Variants in RELN observed in about 807,000 individuals in gnomAD.
RELN encodes reelin.
In RELN, 108 loss-of-function variants were observed where a neutral mutation model predicts 427.6. That is an observed-to-expected ratio of 0.25 (90% CI 0.22 to 0.30). RELN has a LOEUF of 0.30. Ranked by LOEUF, RELN falls within the 10% of genes least tolerant of loss-of-function variation. The probability of loss-of-function intolerance (pLI) is 1.00; values close to 1 mark genes in which losing one functional copy is unlikely to be tolerated. For missense variants in RELN, 3,715 were observed against 4,302.8 expected (o/e 0.86, Z 3.82); for synonymous variants, 1,524 against 1,513.4 (o/e 1.01, Z -0.16).
intron 3 of RELN, among the ~76,000 whole-genome samples, chr7:103,825,173 A>G (rs896872586): frequency 2.6e-5 from 4 of 152,124 alleles, no homozygotes; most frequent in African/African-American, 9.7e-5. Flanking sequence ...GGTACATGAC[A>G]GTAAGTTTTC....
intron 60 of RELN, among the ~76,000 whole-genome samples, chr7:103,487,973 A>G (rs1252052083): frequency 6.6e-6 from 1 of 152,050 alleles, no homozygotes; most frequent in African/African-American, 2.4e-5. Context: ...GTGAAACCCC[A>G]TCTCTACTAA....
At chr7:103,835,708 G>A (rs1584280850) in intron 2 of RELN, among the ~76,000 whole-genome samples, 1 of 152,058 alleles carries the variant, frequency 6.6e-6, no homozygotes, top group Non-Finnish European at 1.5e-5. Context: ...TGTGACCTTG[G>A]ACAAATGATT....
At chr7:103,561,190 G>A (rs901278720) in intron 36 of RELN, among the ~76,000 whole-genome samples, 3 of 152,108 alleles carry the variant, frequency 2.0e-5, no homozygotes. Context: ...CGTTCATAAA[G>A]TCATTTAGAA....
intron 17 of RELN, among the ~76,000 whole-genome samples, chr7:103,639,966 A>G (rs7797289): frequency 0.012 from 1,816 of 152,304 alleles, 51 homozygotes; most frequent in African/African-American, 0.042. Context: ...CATTGGTGGT[A>G]ATTAGATATT....
intron 5 of RELN, among the ~76,000 whole-genome samples, chr7:103,751,728 C>T (rs1791007475): frequency 6.6e-6 from 1 of 152,128 alleles, no homozygotes; most frequent in Non-Finnish European, 1.5e-5. Flanking sequence ...CATTTGTCTG[C>T]CAAATAAGAG....
rs362812 is a variant in RELN at position 103,572,487 on chromosome 7, G to A, written c.4512-227C>T. 0.025 allele frequency among the ~76,000 whole-genome samples: 3,767 copies of A among 152,142 alleles called. 161 individuals are homozygous for A. The highest frequency in any genetic ancestry group is 0.086 in the African/African-American group (3,574 of 41,518). Reference sequence around the variant, plus strand: ...CATTCATTTTATTCTGTAATAATGAGCTAAACAAAAGGAAACCGTTGAATA... The same window carrying A: ...CATTCATTTTATTCTGTAATAATGAACTAAACAAAAGGAAACCGTTGAATA... On this transcript the variant is annotated intron_variant, in intron 30 of 64. Transcript: ENST00000428762.
intron 11 of RELN, among the ~76,000 whole-genome samples, chr7:103,672,739 T>G (rs1833421307): frequency 6.6e-6 from 1 of 152,170 alleles, no homozygotes; most frequent in African/African-American, 2.4e-5. Context: ...ATCTCATTAA[T>G]TAATTAATAT....
intron 16 of RELN, among the ~76,000 whole-genome samples, chr7:103,649,548 A>C (rs1832868434): frequency 6.6e-6 from 1 of 152,024 alleles, no homozygotes; most frequent in African/African-American, 2.4e-5. Flanking sequence ...ACAAAACTAC[A>C]TTTGTACCCA....
intron 1 of RELN, among the ~76,000 whole-genome samples, chr7:103,938,320 C>T (rs1003031106): frequency 1.3e-5 from 2 of 151,950 alleles, no homozygotes; most frequent in Non-Finnish European, 2.9e-5. Context: ...AAGAAAAACC[C>T]TAGTTTCTGA....
At chr7:103,577,608 A>C (rs532320991) in intron 28 of RELN, among the ~76,000 whole-genome samples, 48 of 152,176 alleles carry the variant, frequency 3.2e-4, no homozygotes, top group Admixed American at 9.2e-4. Flanking sequence ...GACCTTGGGA[A>C]AATTCCTTCC....
At chr7:103,630,871 T>TG (rs1454873792) in intron 19 of RELN, among the ~76,000 whole-genome samples, 64 of 150,320 alleles carry the variant, frequency 4.3e-4, no homozygotes, top group Non-Finnish European at 8.0e-4. Flanking sequence ...TTTTTTTTTT[T>TG]TTTGTTTTTT....
At chr7:103,575,442 G>T in intron 29 of RELN, 106 bp downstream of exon 29, 1 of 1,267,766 alleles carries the variant, frequency 7.9e-7, no homozygotes, top group South Asian at 1.2e-5. Flanking sequence ...TAGACTTAAA[G>T]AGGAATAAAT....
chr7:103,941,387 C>T (rs1404998034), intron 1 of RELN, among the ~76,000 whole-genome samples: 1 of 152,132 alleles, frequency 6.6e-6, no homozygotes, highest in Non-Finnish European at 1.5e-5. Flanking sequence ...CAAACCATTT[C>T]TTTCCTCTTA....
chr7:103,539,397 CGTTT>C (rs150252511), intron 44 of RELN, 70 bp from the exon 45 acceptor site: 363 of 1,500,324 alleles, frequency 2.4e-4, no homozygotes, highest in African/African-American at 4.0e-4. Context: ...CTGCCTTTTT[CGTTT>C]GTTTGTTTGT....
chr7:103,937,954 C>T (rs925382506), intron 1 of RELN, among the ~76,000 whole-genome samples: 2 of 152,176 alleles, frequency 1.3e-5, no homozygotes, highest in African/African-American at 4.8e-5. Context: ...TCCCCACTAA[C>T]CTTCATTTTT....
At position 103,988,453 on chromosome 7, in the gene RELN, A is replaced by G. The variant is rs1797147844; in HGVS notation, c.226+678T>C. Among the ~76,000 whole-genome samples, 2 of 152,384 alleles carry G rather than the reference A, an allele frequency of 1.3e-5. No homozygotes were observed. The highest frequency in any genetic ancestry group is 4.1e-4 in the South Asian group (2 of 4,828). ...ACAAAGTCATTAATAAACATCACAA[A>G]GATAATTCTAACAAGAAGCACCATG... On this transcript the variant is annotated intron_variant, in intron 1 of 64. Coordinates refer to ENST00000428762, the MANE Select transcript of RELN (RefSeq NM_005045.4). This position sits in a 1 kb window ranked among gnomAD's most constrained non-coding sequence, Gnocchi z 4.9.
At position 103,989,195 on chromosome 7, in the gene RELN, C is replaced by A; in HGVS notation, c.162G>T (p.Glu54Asp). 6.2e-7 allele frequency: 1 copy of A among 1,614,154 alleles called. No individual in the cohort carries two copies. The highest frequency in any genetic ancestry group is 8.5e-7 in the Non-Finnish European group (1 of 1,180,002). Residue 54 changes from glutamate to aspartate, a missense_variant, in exon 1 of 65, where the codon GAG (glutamate) becomes GAT (aspartate). Around this residue, in one of 4 missense-constraint regions of RELN, gnomAD observed 2,208 missense variants for 2,361.7 expected, o/e 0.93. Transcript: ENST00000428762. The surrounding 1 kb of genome is among the most constrained non-coding windows in gnomAD (Gnocchi z 4.9). The stretch of plus-strand genomic sequence containing the variant: ...CCGCAATATGCAGGGAAATGAGCAC[C>A]TCGCCCTGCTCCCCATCCCCTTCCA... ...GELEGDGEQG[E>D]VLISLHIAGN...
At chr7:103,645,275 A>G (rs1223709867) in intron 16 of RELN, among the ~76,000 whole-genome samples, 1 of 151,874 alleles carries the variant, frequency 6.6e-6, no homozygotes, top group Non-Finnish European at 1.5e-5. Context: ...AAAAACTCAC[A>G]TGTCAATATA....
intron 2 of RELN, among the ~76,000 whole-genome samples, chr7:103,849,932 C>T (rs1405277116): frequency 2.0e-5 from 3 of 152,194 alleles, no homozygotes; most frequent in East Asian, 1.9e-4. Context: ...CTTAATAAAA[C>T]ATATGAAATC....
Sources: allele counts gnomAD v4.1 joint callset (sites outside exome capture counted in the v4.1 genomes callset), GRCh38; gene constraint gnomAD v4.1.1; regional missense constraint gnomAD v4.1.1; non-coding constraint Gnocchi (gnomAD v3.1); transcripts MANE v1.5; gene names NCBI Gene and HGNC (gene_info 2026-07-23, HGNC 2026-07-21).